Variants in NUP210 observed in about 807,000 individuals in gnomAD.
NUP210 encodes nuclear pore membrane glycoprotein 210.
In NUP210, 151 loss-of-function variants were observed where a neutral mutation model predicts 196.0. The ratio of observed to expected loss-of-function variants is 0.77; its 90% confidence interval spans 0.67 to 0.88. The LOEUF (loss-of-function observed/expected upper bound fraction) is 0.88, where lower values mean the gene tolerates loss of function less well. Ranked by LOEUF, NUP210 falls within the 40% of genes least tolerant of loss-of-function variation. The probability of loss-of-function intolerance (pLI) is 0.00; values close to 1 mark genes in which losing one functional copy is unlikely to be tolerated. For synonymous variants in NUP210, 1,070 were observed against 1,052.7 expected, an observed-to-expected ratio of 1.02 and a Z score of -0.32; for missense variants, 2,314 against 2,493.7, an observed-to-expected ratio of 0.93 and a Z score of 1.53.
intron 11 of NUP210, among the ~76,000 whole-genome samples, chr3:13,374,995 G>A (rs1291687550): frequency 6.6e-6 from 1 of 152,204 alleles, no homozygotes; most frequent in Admixed American, 6.5e-5. Context: ...CCCATGTGAT[G>A]AGGTTGGAGA....
rs1195040466 is a variant in NUP210 at position 13,327,359 on chromosome 3, C to T, written c.4365G>A (p.Leu1455=). 1.2e-6 allele frequency: 2 copies of T among 1,613,486 alleles called. 1 individual carries two copies. The highest frequency in any genetic ancestry group is 3.3e-5 in the Admixed American group (2 of 60,022). The change falls in exon 32 of 40, where the codon CTG becomes CTA. Residue 1455 remains leucine (L), a synonymous_variant. Coordinates refer to ENST00000254508, the MANE Select transcript of NUP210 (RefSeq NM_024923.4). The part of the protein sequence containing the change: ...VVRTVSVGLT[L]LRVWDAEHPG... ...GGTGCTCTGCGTCCCACACACGGAG[C>T]AGTGTCAGGCCCACGCTGACTGTGC...
At chr3:13,345,145 T>A (rs1697673218) in intron 20 of NUP210, 1 of 985,344 alleles carries the variant, frequency 1.0e-6, no homozygotes, top group Admixed American at 6.1e-5. Context: ...CTCTGAGTAA[T>A]TCTGGATAAG....
intron 1 of NUP210, among the ~76,000 whole-genome samples, chr3:13,407,354 T>G (rs1171251126): frequency 6.6e-6 from 1 of 152,164 alleles, no homozygotes; most frequent in African/African-American, 2.4e-5. Context: ...TGATTACTCC[T>G]GCTTGAACCT....
rs755089124 is a variant in NUP210, at chr3:13,373,863, C to G, written c.1442G>C (p.Gly481Ala). The change falls in exon 12 of 40, where the codon GGC becomes GCC. Residue 481 changes from glycine (G) to alanine (A), a missense_variant. Coordinates refer to ENST00000254508, the MANE Select transcript of NUP210 (RefSeq NM_024923.4). ...AYQYTIRAHGGSGNFSWSSSS... is the reference protein window; with the variant it reads ...AYQYTIRAHGASGNFSWSSSS... ...CGAAGACCAGCTGAAGTTCCCACTG[C>G]CACCGTGGGCCTGCGGAGGAAAAGC... 1.4e-5 allele frequency: 22 copies of G among 1,613,260 alleles called. No homozygotes were observed. Among genetic ancestry groups the G allele is most frequent in the Non-Finnish European group, 3.4e-6 (4 of 1,179,692 alleles).
At position 13,328,942 on chromosome 3, in the gene NUP210, G is replaced by A; in HGVS notation, c.4115C>T (p.Ser1372Phe). ...GGAAACCCTCAGGTAGGAAACAGGG[G>A]ATACCTAAGGGACAACATACAGGTA... ...NQTIIVAVKV[S>F]PVSYLRVSMS... is the part of the protein sequence containing the mutation. The change falls in exon 31 of 40, where the codon TCC becomes TTC. Residue 1372 changes from serine (S) to phenylalanine (F), a missense_variant. Ser to Phe is a radical substitution (Grantham distance 155). Transcript: ENST00000254508. The A allele has an allele frequency of 6.2e-7, 1 of 1,613,680 alleles. No individual in the cohort carries two copies.
chr3:13,353,376 T>C (rs1157177048), intron 18 of NUP210, among the ~76,000 whole-genome samples, 178 bp downstream of exon 18: 6 of 152,122 alleles, frequency 3.9e-5, no homozygotes, highest in Non-Finnish European at 7.4e-5. Context: ...AATGTACCTA[T>C]TGGTCCCCTA....
chr3:13,399,111 C>T (rs1259778044), intron 2 of NUP210, among the ~76,000 whole-genome samples: 1 of 151,590 alleles, frequency 6.6e-6, no homozygotes, highest in Non-Finnish European at 1.5e-5. Flanking sequence ...ATTGAAAATA[C>T]AAAAATTAGC....
At position 13,420,046 on chromosome 3, in the gene NUP210, G is replaced by A. The variant is rs1309217329; in HGVS notation, c.167+14C>T. On this transcript the variant is annotated intron_variant, in intron 1 of 39. Coordinates refer to ENST00000254508, the MANE Select transcript of NUP210 (RefSeq NM_024923.4). The surrounding 1 kb of genome is among the most constrained non-coding windows in gnomAD (Gnocchi z 4.8). ...CGGCCCACGGCGCCCGCCCGGCCCG[G>A]CCGCGCGCCTCACCAGCGGTAGCAG... is the stretch of plus-strand genomic sequence containing the variant. The A allele has an allele frequency of 5.6e-6, 7 of 1,256,582 alleles. No individual in the cohort carries two copies. Among genetic ancestry groups the A allele is most frequent in the Non-Finnish European group, 7.1e-6 (7 of 985,162 alleles). 77.8% of individuals were successfully genotyped at this position (1,256,582 alleles called of 1,614,324 possible). A position where few individuals can be genotyped will look rare whatever the true frequency, so the allele number is the denominator to read the frequency against.
intron 1 of NUP210, among the ~76,000 whole-genome samples, chr3:13,406,106 C>T (rs2124955453): frequency 6.6e-6 from 1 of 152,270 alleles, no homozygotes; most frequent in South Asian, 2.1e-4. Flanking sequence ...ATAAAAGCAG[C>T]AGCATTTTAA....
intron 1 of NUP210, among the ~76,000 whole-genome samples, chr3:13,404,669 T>C (rs2124953704): frequency 6.6e-6 from 1 of 152,354 alleles, no homozygotes; most frequent in East Asian, 1.9e-4. Flanking sequence ...GGATACTTTC[T>C]GCTATCAGGG....
At chr3:13,385,443 T>G (rs1242079227) in intron 6 of NUP210, among the ~76,000 whole-genome samples, 4 of 152,242 alleles carry the variant, frequency 2.6e-5, no homozygotes, top group Non-Finnish European at 5.9e-5. Context: ...TTAGGAGGAC[T>G]GGCGCTCCAT....
Position 13,328,867 on chromosome 3 carries a change from G to A in NUP210, c.4190C>T (p.Pro1397Leu). 1 of 1,614,172 alleles carries A rather than the reference G, an allele frequency of 6.2e-7. No homozygotes were observed. The highest frequency in any genetic ancestry group is 8.5e-7 in the Non-Finnish European group (1 of 1,180,014). The change falls in exon 31 of 40, where the codon CCT becomes CTT. Residue 1397 changes from proline to leucine, a missense_variant. By Grantham distance (98) the Pro-to-Leu change is moderately conservative. Transcript: ENST00000254508. ...AGTGAAGGTCACGGTCATTCCCAAAGGCACGGCCACCAGGGCCTCCTTGTT... is the reference window on the plus strand; with the variant it reads ...AGTGAAGGTCACGGTCATTCCCAAAAGCACGGCCACCAGGGCCTCCTTGTT... The part of the protein sequence containing the change: ...TQNKEALVAV[P>L]LGMTVTFTVH...
At chr3:13,410,001 T>C (rs1164052720) in intron 1 of NUP210, among the ~76,000 whole-genome samples, 2 of 148,364 alleles carry the variant, frequency 1.3e-5, no homozygotes, top group Non-Finnish European at 3.0e-5. Flanking sequence ...CTGTAATTTT[T>C]AGCACGTCAC....
chr3:13,329,029 C>T (rs112858311), intron 30 of NUP210, 83 bp from the exon 31 acceptor site: 1 of 1,242,984 alleles, frequency 8.0e-7, no homozygotes, highest in South Asian at 1.3e-5. Flanking sequence ...GGAGGGGACA[C>T]CTGCCCCCAG....
intron 27 of NUP210, among the ~76,000 whole-genome samples, chr3:13,335,851 A>G (rs1697196014): frequency 6.6e-6 from 1 of 152,238 alleles, no homozygotes; most frequent in Non-Finnish European, 1.5e-5. Context: ...CAACATGCAC[A>G]GATGCATTTG....
intron 27 of NUP210, 152 bp from the exon 28 acceptor site, chr3:13,335,764 G>T: frequency 1.1e-6 from 1 of 886,142 alleles, no homozygotes; most frequent in Non-Finnish European, 1.7e-6. Context: ...TGCCTGGGTT[G>T]GGTCTGCTAA....
In NUP210 at chr3:13,348,775, C is replaced by G. The variant is rs1180846242; in HGVS notation, c.2835+3104G>C. ...TGAGAAGAACAGGAACAGTGGGACT[C>G]CCTCCCCCTCCTTGAGGCACGGCGC... On this transcript the variant is annotated intron_variant, in intron 20 of 39. Coordinates refer to ENST00000254508, the MANE Select transcript of NUP210 (RefSeq NM_024923.4). The surrounding 1 kb of genome is among the most constrained non-coding windows in gnomAD (Gnocchi z 4.0). 9 of 985,236 alleles carry G rather than the reference C, an allele frequency of 9.1e-6. No homozygotes were observed. Among genetic ancestry groups the G allele is most frequent in the Admixed American group, 6.2e-5 (1 of 16,260 alleles). The allele number at this position is 985,236 out of a possible 1,614,324, so 61.0% of individuals were successfully genotyped here.
intron 30 of NUP210, 110 bp from the exon 31 acceptor site, chr3:13,329,056 A>C: frequency 1.1e-6 from 1 of 904,558 alleles, no homozygotes; most frequent in Non-Finnish European, 1.7e-6. Flanking sequence ...CCACCTCAGG[A>C]ACAATGCAGG....
rs1304258597 is a variant in NUP210, at chr3:13,335,563, C to T, written c.3734G>A (p.Gly1245Asp). 2 of 1,614,144 alleles carry T rather than the reference C, an allele frequency of 1.2e-6. No individual in the cohort carries two copies. The highest frequency in any genetic ancestry group is 2.2e-5 in the South Asian group (2 of 91,086). The change falls in exon 28 of 40, where the codon GGC (glycine) becomes GAC (aspartate). Residue 1245 changes from glycine (G) to aspartate (D), a missense_variant. Transcript: ENST00000254508. Reference protein sequence around the residue: ...SQYNFAMNVLGRVKGRTGLRV... With the variant: ...SQYNFAMNVLDRVKGRTGLRV... ...CAGCCCGGTCCGGCCTTTTACCCGG[C>T]CGAGCACGTTCATGGCAAAGTTGTA...
Sources: allele counts gnomAD v4.1 joint callset (sites outside exome capture counted in the v4.1 genomes callset), GRCh38; gene constraint gnomAD v4.1.1; non-coding constraint Gnocchi (gnomAD v3.1); transcripts MANE v1.5; gene names NCBI Gene and HGNC (gene_info 2026-07-23, HGNC 2026-07-21).